AGMO: variants seen among roughly 807,000 people sequenced by gnomAD.
The protein encoded by AGMO is alkylglycerol monooxygenase.
Under a neutral mutation model 60.2 loss-of-function variants are expected in AGMO, and 75 were observed. The ratio of observed to expected loss-of-function variants is 1.25; its 90% CI spans 1.03 to 1.51. The LOEUF is 1.51. Among genes scored for constraint, AGMO ranks in the 40% most tolerant of loss-of-function variants. AGMO has a pLI of 0.00. For synonymous variants in AGMO, 261 were observed against 177.1 expected, an observed-to-expected ratio of 1.47 and a Z score of -3.76; for missense variants, 763 against 525.5, an observed-to-expected ratio of 1.45 and a Z score of -4.42.
rs550134946 is a variant in AGMO, at chr7:15,392,700, G to C, written c.676+1413C>G. On this transcript the variant is annotated intron_variant, in intron 6 of 12. Coordinates refer to ENST00000342526, the MANE Select transcript of AGMO (RefSeq NM_001004320.2). Reference sequence around the variant, plus strand: ...TGTAATCCAAGTTACTTGGGAGGCTGCAGCAGAAGAATCACTTGAACCCGG... The same window carrying C: ...TGTAATCCAAGTTACTTGGGAGGCTCCAGCAGAAGAATCACTTGAACCCGG... 2.6e-5 allele frequency among the ~76,000 whole-genome samples: 4 copies of C among 152,208 alleles called. No individual in the cohort carries two copies. In the East Asian group the frequency reaches 7.8e-4, roughly 30 times the overall value.
chr7:15,406,122 G>A (rs1473010445), intron 5 of AGMO, among the ~76,000 whole-genome samples: 1 of 151,536 alleles, frequency 6.6e-6, no homozygotes, highest in Non-Finnish European at 1.5e-5. Flanking sequence ...TTGGGAAAGA[G>A]TCACTACAAC....
intron 5 of AGMO, among the ~76,000 whole-genome samples, chr7:15,401,095 A>G (rs967325281): frequency 2.0e-5 from 3 of 152,006 alleles, no homozygotes; most frequent in African/African-American, 7.2e-5. Context: ...TCTGATCACA[A>G]TTTTTTTCAT....
intron 6 of AGMO, among the ~76,000 whole-genome samples, chr7:15,392,692 G>T (rs531954135): frequency 7.2e-5 from 11 of 152,000 alleles, no homozygotes; most frequent in Non-Finnish European, 1.6e-4. Context: ...CAAGTTACTT[G>T]GGAGGCTGCA....
chr7:15,387,531 A>C lies in AGMO; in HGVS notation c.832T>G (p.Leu278Val), dbSNP rs1321686491. The C allele has an allele frequency of 3.1e-6, 5 of 1,608,528 alleles. No homozygotes were observed. Among genetic ancestry groups the C allele is most frequent in the Non-Finnish European group, 4.2e-6 (5 of 1,178,858 alleles). The change falls in exon 9 of 13, where the codon TTA (leucine) becomes GTA (valine). Residue 278 changes from leucine (L) to valine (V), a missense_variant. Coordinates refer to ENST00000342526, the MANE Select transcript of AGMO (RefSeq NM_001004320.2). ...CAGAATGTAGTCCATATGGAAAATA[A>C]GTGATGGAACTAGAAACAATAAAAA... is the stretch of plus-strand genomic sequence containing the variant. Reference protein sequence around the residue: ...FEPIKVQFHHLFSIWTTFWAT... With the variant: ...FEPIKVQFHHVFSIWTTFWAT...
chr7:15,480,036 A>G (rs1314918869), intron 3 of AGMO, among the ~76,000 whole-genome samples: 1 of 152,200 alleles, frequency 6.6e-6, no homozygotes, highest in Non-Finnish European at 1.5e-5. Flanking sequence ...CAGACAAGAG[A>G]AACGAGAAGG....
intron 12 of AGMO, among the ~76,000 whole-genome samples, chr7:15,227,083 G>A (rs1314913133): frequency 2.0e-5 from 3 of 151,914 alleles, no homozygotes; most frequent in African/African-American, 4.8e-5. Flanking sequence ...AGCTTACCTC[G>A]ATTTTATTGT....
chr7:15,541,187 G>C (rs1784621316), intron 3 of AGMO, among the ~76,000 whole-genome samples: 1 of 152,042 alleles, frequency 6.6e-6, no homozygotes. Flanking sequence ...CAGTGGAACG[G>C]TCTTGGCTCA....
At chr7:15,525,852 T>G (rs1784115198) in intron 3 of AGMO, among the ~76,000 whole-genome samples, 1 of 152,158 alleles carries the variant, frequency 6.6e-6, no homozygotes, top group South Asian at 2.1e-4. Flanking sequence ...CTAATTAGCA[T>G]GCTGTAACAC....
At chr7:15,393,059 T>C (rs948403606) in intron 6 of AGMO, among the ~76,000 whole-genome samples, 3 of 152,234 alleles carry the variant, frequency 2.0e-5, no homozygotes, top group Admixed American at 6.5e-5. Context: ...TGGATCACAT[T>C]TGCATCACTG....
At chr7:15,257,896 CT>C (rs1420360502) in intron 12 of AGMO, among the ~76,000 whole-genome samples, 1 of 152,162 alleles carries the variant, frequency 6.6e-6, no homozygotes, top group Admixed American at 6.5e-5. Context: ...AAAGCTGCTT[CT>C]TAGAGCCACA....
At chr7:15,296,638 C>T (rs188704261) in intron 12 of AGMO, among the ~76,000 whole-genome samples, 182 of 152,234 alleles carry the variant, frequency 1.2e-3, no homozygotes, top group African/African-American at 4.1e-3. Context: ...AGCATAATAA[C>T]AGCAATACAA....
At chr7:15,430,145 T>C (rs889297803) in intron 4 of AGMO, among the ~76,000 whole-genome samples, 6 of 151,858 alleles carry the variant, frequency 4.0e-5, no homozygotes, top group African/African-American at 1.4e-4. Flanking sequence ...TTTAGAAGAG[T>C]GGCACATAGT....
At chr7:15,540,311 T>C (rs1186811820) in intron 3 of AGMO, among the ~76,000 whole-genome samples, 1 of 152,152 alleles carries the variant, frequency 6.6e-6, no homozygotes, top group African/African-American at 2.4e-5. Flanking sequence ...TCCCAGAGTG[T>C]ATGAGCTACA....
intron 12 of AGMO, among the ~76,000 whole-genome samples, chr7:15,344,860 C>G (rs1196949058): frequency 1.3e-5 from 2 of 152,088 alleles, no homozygotes; most frequent in East Asian, 3.8e-4. Context: ...AACATTTTAT[C>G]TGAATGCGTT....
intron 12 of AGMO, among the ~76,000 whole-genome samples, chr7:15,237,605 C>T (rs1205433796): frequency 6.6e-6 from 1 of 151,904 alleles, no homozygotes; most frequent in Non-Finnish European, 1.5e-5. Flanking sequence ...TAAAAGATAT[C>T]CTTCTATAAT....
intron 8 of AGMO, among the ~76,000 whole-genome samples, chr7:15,388,270 C>G (rs1784004612): frequency 6.6e-6 from 1 of 151,956 alleles, no homozygotes; most frequent in South Asian, 2.1e-4. Context: ...TATTGGAACC[C>G]TAAGCATGTG....
At chr7:15,344,603 T>A (rs1435621807) in intron 12 of AGMO, among the ~76,000 whole-genome samples, 1 of 151,962 alleles carries the variant, frequency 6.6e-6, no homozygotes, top group Non-Finnish European at 1.5e-5. Context: ...GAGGCTAAAG[T>A]GTAAGGATTG....
intron 12 of AGMO, among the ~76,000 whole-genome samples, chr7:15,326,141 A>C (rs1252151295): frequency 4.6e-5 from 7 of 152,152 alleles, no homozygotes; most frequent in African/African-American, 4.8e-5. Context: ...GATCTCCTCA[A>C]GACACACATT....
intron 10 of AGMO, among the ~76,000 whole-genome samples, chr7:15,379,867 A>T: frequency 6.6e-6 from 1 of 152,164 alleles, no homozygotes; most frequent in East Asian, 1.9e-4. Context: ...TACACAAATC[A>T]GTCAATGTGA....
Sources: allele counts gnomAD v4.1 joint callset (sites outside exome capture counted in the v4.1 genomes callset), GRCh38; gene constraint gnomAD v4.1.1; transcripts MANE v1.5; gene names NCBI Gene and HGNC (gene_info 2026-07-23, HGNC 2026-07-21).